The following CDH7 variants were observed in gnomAD, a reference collection of about 807,000 sequenced individuals.
CDH7 encodes the protein cadherin-7.
A neutral mutation model predicts 71.8 loss-of-function variants in CDH7; 25 were observed. That is an observed-to-expected ratio of 0.35 (90% confidence interval 0.25 to 0.49). CDH7 has a LOEUF of 0.49. Among genes scored for constraint, CDH7 ranks in the 20% least tolerant of loss-of-function variants. The probability of loss-of-function intolerance (pLI) is 0.99; values close to 1 mark genes in which losing one functional copy is unlikely to be tolerated. For synonymous variants in CDH7, 381 were observed against 363.8 expected, an observed-to-expected ratio of 1.05 and a Z score of -0.54; for missense variants, 862 against 974.6, an observed-to-expected ratio of 0.88 and a Z score of 1.54.
At chr18:65,833,698 A>C (rs62086457) in intron 6 of CDH7, among the ~76,000 whole-genome samples, 2,533 of 152,246 alleles carry the variant, frequency 0.017, 25 homozygotes, top group Non-Finnish European at 0.025. Context: ...TTAAGGTATA[A>C]ATTTACCTGT....
At chr18:65,753,544 A>T (rs114357292) in intron 1 of CDH7, among the ~76,000 whole-genome samples, 2,313 of 152,292 alleles carry the variant, frequency 0.015, 49 homozygotes, top group African/African-American at 0.052. Context: ...AAAATAACTA[A>T]CATGCATTAG....
At chr18:65,760,903 G>C (rs1910966715) in intron 1 of CDH7, among the ~76,000 whole-genome samples, 1 of 152,156 alleles carries the variant, frequency 6.6e-6, no homozygotes, top group South Asian at 2.1e-4. Context: ...CCTTTCAGGT[G>C]GGTTAGTCAG....
intron 2 of CDH7, among the ~76,000 whole-genome samples, chr18:65,790,287 A>G (rs1410327106): frequency 6.6e-6 from 1 of 151,806 alleles, no homozygotes; most frequent in Non-Finnish European, 1.5e-5. Context: ...GCATGCATGA[A>G]ATAGTCAAAT....
rs1051298388 is a variant in CDH7, at chr18:65,884,758, A to G, written c.*3864A>G. 2 of 152,222 alleles carry G rather than the reference A, an allele frequency of 1.3e-5. No individual in the cohort carries two copies. The highest frequency in any genetic ancestry group is 4.8e-5 in the African/African-American group (2 of 41,478). 9.4% of individuals were successfully genotyped at this position (152,222 alleles called of 1,614,324 possible). On this transcript the variant is annotated 3_prime_UTR_variant, in exon 12 of 12. Transcript: ENST00000397968. The stretch of plus-strand genomic sequence containing the variant: ...AGAAGCTAAATGATTTAAACATGTT[A>G]AAGTTTTAAAGCACTAGCTGTAAAT...
intron 6 of CDH7, among the ~76,000 whole-genome samples, chr18:65,825,629 T>A (rs1437603180): frequency 6.6e-6 from 1 of 151,814 alleles, no homozygotes; most frequent in Non-Finnish European, 1.5e-5. Context: ...AGATACGAAA[T>A]TTTTTGTCAG....
intron 9 of CDH7, 45 bp from the exon 10 acceptor site, chr18:65,859,663 A>G (rs371027365): frequency 1.9e-5 from 22 of 1,176,370 alleles, no homozygotes; most frequent in East Asian, 7.0e-5. Context: ...AAAACTAAGC[A>G]TAGCACACCA....
intron 2 of CDH7, among the ~76,000 whole-genome samples, chr18:65,793,073 G>C (rs1910771224): frequency 6.6e-6 from 1 of 152,044 alleles, no homozygotes. Context: ...TTGAGCATTT[G>C]TGTGCAGTGG....
chr18:65,809,604 A>G, intron 2 of CDH7, 100 bp from the exon 3 acceptor site: 1 of 998,342 alleles, frequency 1.0e-6, no homozygotes, highest in Non-Finnish European at 1.5e-6. Flanking sequence ...GAACAATAAA[A>G]TTTCATGTAC....
chr18:65,766,223 T>C (rs1237407394), intron 2 of CDH7, among the ~76,000 whole-genome samples: 1 of 152,160 alleles, frequency 6.6e-6, no homozygotes, highest in Non-Finnish European at 1.5e-5. Flanking sequence ...TCACAGAAAT[T>C]ATATCTGTGA....
In CDH7 at chr18:65,880,540, G is replaced by A. The variant is rs1476197244; in HGVS notation, c.2004G>A (p.Met668Ile). The A allele has an allele frequency of 6.2e-7, 1 of 1,613,832 alleles. No homozygotes were observed. The highest frequency in any genetic ancestry group is 1.7e-5 in the Admixed American group (1 of 59,950). ...AGGAGGACACGGAAGCGTTTGACAT[G>A]GCTGCACTGAGAAACCTCAACGTCA... Reference protein sequence around the residue: ...GGEEDTEAFDMAALRNLNVIR... With the variant: ...GGEEDTEAFDIAALRNLNVIR... Residue 668 changes from methionine (M) to isoleucine (I), a missense_variant, in exon 12 of 12, where the codon ATG (methionine) becomes ATA (isoleucine). Transcript: ENST00000397968.
Position 65,779,216 on chromosome 18 carries a change from A to T in CDH7, c.210+16164A>T, listed in dbSNP as rs551281065. Among the ~76,000 whole-genome samples the T allele has an allele frequency of 4.8e-3, 721 of 149,592 alleles. 4 individuals are homozygous for T. The highest frequency in any genetic ancestry group is 0.017 in the African/African-American group (693 of 40,760). ...GAAAATGTAGATTTAGAAATCTTTC[A>T]TACAGAATTGGAAGCTGGAGCCATA... On this transcript the variant is annotated intron_variant, in intron 2 of 11. Coordinates refer to ENST00000397968, the MANE Select transcript of CDH7 (RefSeq NM_004361.5).
chr18:65,797,046 G>T (rs1455467389), intron 2 of CDH7, among the ~76,000 whole-genome samples: 1 of 152,064 alleles, frequency 6.6e-6, no homozygotes, highest in African/African-American at 2.4e-5. Flanking sequence ...ATTCTTCCTT[G>T]CCTGTTCCTC....
At chr18:65,832,088 A>G (rs988247145) in intron 6 of CDH7, among the ~76,000 whole-genome samples, 2 of 152,160 alleles carry the variant, frequency 1.3e-5, no homozygotes, top group African/African-American at 2.4e-5. Context: ...GTCCATCTGG[A>G]TAGAGTCATT....
intron 2 of CDH7, among the ~76,000 whole-genome samples, chr18:65,782,647 T>G (rs1030127708): frequency 2.0e-5 from 3 of 152,176 alleles, no homozygotes; most frequent in African/African-American, 7.2e-5. Flanking sequence ...AATACAAGAT[T>G]AGATTCTTGT....
chr18:65,877,002 A>G (rs1477141983), intron 11 of CDH7, among the ~76,000 whole-genome samples: 1 of 152,196 alleles, frequency 6.6e-6, no homozygotes, highest in Admixed American at 6.5e-5. Flanking sequence ...CTCTTAAAAT[A>G]TATAATCTTC....
chr18:65,786,161 G>T (rs982061028), intron 2 of CDH7, among the ~76,000 whole-genome samples: 1 of 151,690 alleles, frequency 6.6e-6, no homozygotes, highest in African/African-American at 2.4e-5. Flanking sequence ...GCTTCTGTCT[G>T]TAGACTGAAT....
intron 11 of CDH7, among the ~76,000 whole-genome samples, chr18:65,870,586 C>G (rs1913899444): frequency 6.6e-6 from 1 of 152,094 alleles, no homozygotes; most frequent in Non-Finnish European, 1.5e-5. Flanking sequence ...CTGTCTGATC[C>G]TTCTCTCAAC....
intron 4 of CDH7, among the ~76,000 whole-genome samples, chr18:65,821,397 A>G (rs1032580405): frequency 5.3e-5 from 8 of 152,210 alleles, no homozygotes; most frequent in Admixed American, 5.2e-4. Context: ...AAGATCAATT[A>G]TAAAATATGT....
chr18:65,866,566 G>A (rs919794967), intron 11 of CDH7, among the ~76,000 whole-genome samples: 1 of 152,240 alleles, frequency 6.6e-6, no homozygotes, highest in Middle Eastern at 3.4e-3. Context: ...GAGGTGTAGG[G>A]TAAGTTCGAG....
Sources: gnomAD v4.1 joint callset for allele counts (sites outside exome capture counted in the v4.1 genomes callset) on GRCh38, gnomAD v4.1.1 for gene constraint, MANE v1.5 for transcripts, NCBI Gene and HGNC (gene_info 2026-07-23, HGNC 2026-07-21) for gene names.